SESN1: variants seen among roughly 807,000 people sequenced by gnomAD.
SESN1 encodes sestrin-1.
SESN1 carries 30 observed loss-of-function variants against 59.3 expected under a neutral mutation model. The ratio of observed to expected loss-of-function variants is 0.51; its 90% CI spans 0.38 to 0.69. The LOEUF is 0.69. Ranked by LOEUF, SESN1 falls within the 30% of genes least tolerant of loss-of-function variation. The pLI, the probability that SESN1 is intolerant of heterozygous loss-of-function variation, is 0.00. For synonymous variants in SESN1, 197 were observed against 219.9 expected, an observed-to-expected ratio of 0.90 and a Z score of 0.92; for missense variants, 566 against 673.0, an observed-to-expected ratio of 0.84 and a Z score of 1.76.
At chr6:109,046,239 AC>A (rs1780432372) in intron 1 of SESN1, among the ~76,000 whole-genome samples, 1 of 143,912 alleles carries the variant, frequency 6.9e-6, no homozygotes, top group Admixed American at 6.9e-5. Context: ...GATTGCAGGC[AC>A]GCGCCGCCAC....
rs1217878680 is a variant in SESN1 at position 109,093,906 on chromosome 6, G to T, written c.168C>A (p.Thr56=). 1 of 1,613,990 alleles carries T rather than the reference G, an allele frequency of 6.2e-7. No homozygotes were observed. The highest frequency in any genetic ancestry group is 1.7e-5 in the Admixed American group (1 of 59,988). The change falls in exon 1 of 10, where the codon ACC becomes ACA. Residue 56 remains threonine, a synonymous_variant. Transcript: ENST00000436639. The part of the protein sequence containing the change: ...PHRPSDGLSN[T]ESSDGLNKLL... ...GCTTATTCAACCCATCCGAAGACTC[G>T]GTATTTGAAAGCCCGTCTGATGGAC...
At chr6:108,989,538 G>T (rs1226998926) in intron 8 of SESN1, among the ~76,000 whole-genome samples, 23 of 103,824 alleles carry the variant, frequency 2.2e-4, no homozygotes, top group African/African-American at 3.1e-4. Context: ...TATAGAGATA[G>T]AGATATCTCT....
intron 1 of SESN1, among the ~76,000 whole-genome samples, chr6:109,005,214 T>C (rs527535250): frequency 9.8e-5 from 15 of 152,302 alleles, no homozygotes; most frequent in East Asian, 5.8e-4. Flanking sequence ...AGCATGACCA[T>C]ATAATAGAGT....
At chr6:108,998,348 G>T in intron 5 of SESN1, 165 bp downstream of exon 5, 1 of 683,688 alleles carries the variant, frequency 1.5e-6, no homozygotes, top group Non-Finnish European at 2.4e-6. Context: ...CTAGTGATGA[G>T]CATGTGAGGC....
At chr6:109,065,374 ATTTG>A (rs1235039458) in intron 1 of SESN1, among the ~76,000 whole-genome samples, 1 of 151,970 alleles carries the variant, frequency 6.6e-6, no homozygotes, top group Non-Finnish European at 1.5e-5. Flanking sequence ...ATTTTCAGAG[ATTTG>A]TTTCTTTTTA....
intron 1 of SESN1, among the ~76,000 whole-genome samples, chr6:109,007,801 T>TC (rs1451240945): frequency 6.9e-6 from 1 of 145,252 alleles, no homozygotes; most frequent in Non-Finnish European, 1.5e-5. Context: ...TTTTTTTTTT[T>TC]TTTTGCCTTC....
intron 1 of SESN1, among the ~76,000 whole-genome samples, chr6:109,033,426 G>C (rs1215602335): frequency 1.3e-5 from 2 of 152,168 alleles, no homozygotes; most frequent in African/African-American, 4.8e-5. Flanking sequence ...GTCAGAGGTG[G>C]TTTTGATGGA....
At position 109,094,701 on chromosome 6, in the gene SESN1, GA is replaced by G; in HGVS notation, c.-629del. ...AGCCGTAGTCTCGGCGGGCGGCGGT[GA>G]AAAAAAGCGTCCCCCAGCCCCGCCA... On this transcript the variant is annotated 5_prime_UTR_variant, in exon 1 of 10. Transcript: ENST00000436639. 6.6e-6 allele frequency: 1 copy of G among 152,652 alleles called. No homozygotes were observed. Among genetic ancestry groups the G allele is most frequent in the Non-Finnish European group, 1.5e-5 (1 of 68,402 alleles). 9.5% of individuals were successfully genotyped at this position (152,652 alleles called of 1,614,324 possible). A position where few individuals can be genotyped will look rare whatever the true frequency, so the allele number is the denominator to read the frequency against.
chr6:109,083,009 C>CT (rs1252421707), intron 1 of SESN1, among the ~76,000 whole-genome samples: 2 of 152,220 alleles, frequency 1.3e-5, no homozygotes, highest in East Asian at 3.9e-4. Context: ...CTCAAACCCA[C>CT]TGTATGAAGT....
At chr6:109,084,414 C>T (rs1254443086) in intron 1 of SESN1, among the ~76,000 whole-genome samples, 1 of 152,028 alleles carries the variant, frequency 6.6e-6, no homozygotes, top group Non-Finnish European at 1.5e-5. Flanking sequence ...TATAGCCGGG[C>T]ATCGTGGCGG....
chr6:109,093,460 G>T (rs1781375058), intron 1 of SESN1, among the ~76,000 whole-genome samples: 3 of 151,934 alleles, frequency 2.0e-5, no homozygotes, highest in East Asian at 3.9e-4. Flanking sequence ...CATTTTAGAG[G>T]CTTTTAAATG....
intron 1 of SESN1, among the ~76,000 whole-genome samples, chr6:109,031,987 A>AAAT (rs763124533): frequency 2.0e-4 from 30 of 152,336 alleles, no homozygotes; most frequent in Non-Finnish European, 3.8e-4. Context: ...TTAATATTGT[A>AAAT]AATAATTTTG....
chr6:109,047,324 G>A (rs1227521210), intron 1 of SESN1, among the ~76,000 whole-genome samples: 3 of 118,672 alleles, frequency 2.5e-5, no homozygotes, highest in Non-Finnish European at 3.6e-5. Flanking sequence ...CCGGCCAGCC[G>A]CCCCGTCCGG....
In SESN1 at chr6:109,000,681, CAA is replaced by C; in HGVS notation, c.547-10_547-9del. On this transcript the variant is annotated splice_polypyrimidine_tract_variant and intron_variant, in intron 3 of 9. Transcript: ENST00000436639. ...CTGATGTCTTGCCGCAGCCTTAAAA[CAA>C]AAAGATTATTCTAATTATAAATATT... 5.2e-6 allele frequency: 8 copies of C among 1,537,150 alleles called. No homozygotes were observed. Among genetic ancestry groups the C allele is most frequent in the Non-Finnish European group, 7.0e-6 (8 of 1,142,764 alleles).
chr6:108,992,264 AATTTT>A (rs1345377215), intron 7 of SESN1, among the ~76,000 whole-genome samples: 5 of 151,954 alleles, frequency 3.3e-5, no homozygotes, highest in African/African-American at 1.2e-4. Flanking sequence ...ACACCTGGCT[AATTTT>A]ATTTTATTTT....
intron 8 of SESN1, among the ~76,000 whole-genome samples, chr6:108,990,042 A>G (rs1183858006): frequency 6.6e-6 from 1 of 152,218 alleles, no homozygotes; most frequent in African/African-American, 2.4e-5. Context: ...AGAGTCTCTG[A>G]TAATAGAAAG....
At chr6:108,997,487 A>C (rs927014270) in intron 5 of SESN1, among the ~76,000 whole-genome samples, 1 of 152,174 alleles carries the variant, frequency 6.6e-6, no homozygotes, top group African/African-American at 2.4e-5. Flanking sequence ...CCTTGGGAAA[A>C]TTATTCTTTC....
intron 1 of SESN1, among the ~76,000 whole-genome samples, chr6:109,084,409 C>G (rs1482355641): frequency 1.3e-5 from 2 of 152,018 alleles, no homozygotes; most frequent in Non-Finnish European, 2.9e-5. Context: ...AAAAATATAG[C>G]CGGGCATCGT....
At chr6:109,049,656 TGTCA>T (rs1780511403) in intron 1 of SESN1, among the ~76,000 whole-genome samples, 1 of 151,360 alleles carries the variant, frequency 6.6e-6, no homozygotes, top group South Asian at 2.1e-4. Context: ...AATTATTATG[TGTCA>T]GTTAAAAAAT....
Sources: allele counts gnomAD v4.1 joint callset (sites outside exome capture counted in the v4.1 genomes callset), GRCh38; gene constraint gnomAD v4.1.1; transcripts MANE v1.5; gene names NCBI Gene and HGNC (gene_info 2026-07-23, HGNC 2026-07-21).